GPC6: variants seen among roughly 807,000 people sequenced by gnomAD.
GPC6 encodes glypican 6.
Under a neutral mutation model 55.2 loss-of-function variants are expected in GPC6, and 14 were observed. That is an observed-to-expected ratio of 0.25 (90% CI 0.17 to 0.40). GPC6 has a LOEUF of 0.40. Ranked by LOEUF, GPC6 falls within the 10% of genes least tolerant of loss-of-function variation. GPC6 has a pLI of 1.00. For synonymous variants in GPC6, 278 were observed against 259.6 expected, an observed-to-expected ratio of 1.07 and a Z score of -0.68; for missense variants, 641 against 708.5, an observed-to-expected ratio of 0.90 and a Z score of 1.08.
At chr13:94,188,977 A>C (rs1388164825) in intron 4 of GPC6, among the ~76,000 whole-genome samples, 3 of 152,134 alleles carry the variant, frequency 2.0e-5, no homozygotes, top group Admixed American at 6.5e-5. Context: ...CCAGTTTGCC[A>C]CTGAATAATA....
intron 1 of GPC6, among the ~76,000 whole-genome samples, chr13:93,526,376 A>G (rs1405682335): frequency 4.0e-5 from 6 of 151,304 alleles, no homozygotes; most frequent in Non-Finnish European, 1.5e-5. Flanking sequence ...CTTTTCAGGG[A>G]TTAAAGATGT....
At chr13:93,525,328 C>T (rs7329041) in intron 1 of GPC6, among the ~76,000 whole-genome samples, 8,649 of 152,022 alleles carry the variant, frequency 0.057, 791 homozygotes, top group African/African-American at 0.2. Flanking sequence ...AACATGCCCC[C>T]CAAGAGGTAA....
At chr13:93,607,210 A>G (rs7325275) in intron 2 of GPC6, among the ~76,000 whole-genome samples, 8,326 of 152,294 alleles carry the variant, frequency 0.055, 803 homozygotes, top group African/African-American at 0.19. Context: ...ACATCTGAAT[A>G]CAATGTCTAC....
At chr13:94,014,261 T>C (rs532580648) in intron 3 of GPC6, among the ~76,000 whole-genome samples, 1 of 152,354 alleles carries the variant, frequency 6.6e-6, no homozygotes, top group African/African-American at 2.4e-5. Flanking sequence ...GCTGAAATCA[T>C]AGGTGACTTC....
At chr13:93,982,006 A>G (rs1566633268) in intron 3 of GPC6, among the ~76,000 whole-genome samples, 2 of 152,090 alleles carry the variant, frequency 1.3e-5, no homozygotes, top group East Asian at 3.9e-4. Context: ...GCACTGCAGA[A>G]CCCCTTCTTT....
rs919615255 is a variant in GPC6, at chr13:93,423,591, C to T, written c.161-121672C>T. Among the ~76,000 whole-genome samples, 15 of 152,048 alleles carry T rather than the reference C, an allele frequency of 9.9e-5. No homozygotes were observed. In the South Asian group the frequency reaches 1.2e-3, roughly 13 times the overall value. On this transcript the variant is annotated intron_variant, in intron 1 of 8. Coordinates refer to ENST00000377047, the MANE Select transcript of GPC6 (RefSeq NM_005708.5). ...TGTTTAAATGTGCTTATTTTTTCCG[C>T]GGTTGCTAAGTTATTGTAGTTGGAC...
At chr13:94,063,239 C>A (rs1884395434) in intron 4 of GPC6, among the ~76,000 whole-genome samples, 1 of 152,188 alleles carries the variant, frequency 6.6e-6, no homozygotes, top group African/African-American at 2.4e-5. Context: ...ATATGTTCAA[C>A]AAATGTAAAA....
At chr13:93,920,683 T>A (rs1877523352) in intron 3 of GPC6, among the ~76,000 whole-genome samples, 1 of 152,172 alleles carries the variant, frequency 6.6e-6, no homozygotes, top group African/African-American at 2.4e-5. Flanking sequence ...CACTTACTAA[T>A]CCTCCTTCGT....
At chr13:93,229,077 AC>A (rs1347725441) in intron 1 of GPC6, among the ~76,000 whole-genome samples, 1 of 152,160 alleles carries the variant, frequency 6.6e-6, no homozygotes, top group Non-Finnish European at 1.5e-5. Flanking sequence ...TTATAAGCCT[AC>A]TTTTCTATCC....
intron 1 of GPC6, among the ~76,000 whole-genome samples, chr13:93,474,225 G>A (rs777439800): frequency 2.0e-5 from 3 of 152,152 alleles, no homozygotes; most frequent in Non-Finnish European, 4.4e-5. Flanking sequence ...TCTTCACAGT[G>A]TTACTTGGAT....
chr13:93,603,516 T>G (rs1878110990), intron 2 of GPC6, among the ~76,000 whole-genome samples: 1 of 152,232 alleles, frequency 6.6e-6, no homozygotes, highest in East Asian at 1.9e-4. Flanking sequence ...TAGGTATTAT[T>G]GTCCCCACTT....
At chr13:93,296,665 C>T (rs898591715) in intron 1 of GPC6, among the ~76,000 whole-genome samples, 1 of 152,170 alleles carries the variant, frequency 6.6e-6, no homozygotes, top group Non-Finnish European at 1.5e-5. Context: ...CCTCTACCTC[C>T]AGAAACAACT....
chr13:93,812,890 A>G (rs1469594294), intron 2 of GPC6, among the ~76,000 whole-genome samples: 1 of 152,198 alleles, frequency 6.6e-6, no homozygotes, highest in South Asian at 2.1e-4. Context: ...GGTCAAGAGT[A>G]CTGGTATATG....
At chr13:94,376,819 C>T (rs963801603) in intron 6 of GPC6, among the ~76,000 whole-genome samples, 1 of 151,848 alleles carries the variant, frequency 6.6e-6, no homozygotes, top group Non-Finnish European at 1.5e-5. Context: ...GCTACAGTAA[C>T]CAAAACAGCA....
intron 4 of GPC6, among the ~76,000 whole-genome samples, chr13:94,075,048 G>A (rs1459519181): frequency 2.6e-5 from 4 of 151,976 alleles, no homozygotes; most frequent in African/African-American, 7.3e-5. Flanking sequence ...TTATAAATTT[G>A]TATAAACCCC....
chr13:93,587,543 C>T (rs1307543476), intron 2 of GPC6, among the ~76,000 whole-genome samples: 3 of 152,142 alleles, frequency 2.0e-5, no homozygotes, highest in African/African-American at 7.2e-5. Flanking sequence ...TTGCAGGGTC[C>T]ACCAGGTGTC....
intron 1 of GPC6, among the ~76,000 whole-genome samples, chr13:93,529,111 T>G (rs1300189570): frequency 4.6e-5 from 7 of 152,152 alleles, no homozygotes; most frequent in Non-Finnish European, 8.8e-5. Flanking sequence ...TGCATCCCAG[T>G]GCATATACAA....
intron 1 of GPC6, among the ~76,000 whole-genome samples, chr13:93,332,623 A>G (rs543323751): frequency 1.2e-4 from 19 of 152,216 alleles, no homozygotes; most frequent in African/African-American, 1.7e-4. Context: ...CTCTTGTCAA[A>G]TGGATAGTTT....
At chr13:94,096,947 T>TC (rs1885680500) in intron 4 of GPC6, among the ~76,000 whole-genome samples, 1 of 152,088 alleles carries the variant, frequency 6.6e-6, no homozygotes, top group Non-Finnish European at 1.5e-5. Context: ...TGTAAAGCCA[T>TC]CAACTCAGAA....
Sources: gnomAD v4.1 joint callset for allele counts (sites outside exome capture counted in the v4.1 genomes callset) on GRCh38, gnomAD v4.1.1 for gene constraint, MANE v1.5 for transcripts, NCBI Gene and HGNC (gene_info 2026-07-23, HGNC 2026-07-21) for gene names.